CNIH3: variants seen among roughly 807,000 people sequenced by gnomAD.
The protein encoded by CNIH3 is cornichon family AMPA receptor auxiliary protein 3.
Under a neutral mutation model 24.1 loss-of-function variants are expected in CNIH3, and 14 were observed. The ratio of observed to expected loss-of-function variants is 0.58; its 90% CI spans 0.38 to 0.91. The LOEUF (loss-of-function observed/expected upper bound fraction) is 0.91. CNIH3 is among the 40% of genes least tolerant of loss of function. CNIH3 has a pLI of 0.00. For missense variants in CNIH3, 178 were observed against 196.8 expected (o/e 0.90, Z 0.57); for synonymous variants, 68 against 73.8 (o/e 0.92, Z 0.40).
intron 3 of CNIH3, among the ~76,000 whole-genome samples, chr1:224,595,860 C>T (rs1280843677): frequency 6.6e-6 from 1 of 152,216 alleles, no homozygotes; most frequent in Non-Finnish European, 1.5e-5. Flanking sequence ...CAGAGCAAGG[C>T]CCTAACTCTC....
intron 1 of CNIH3, among the ~76,000 whole-genome samples, chr1:224,483,158 T>C (rs967841192): frequency 1.3e-5 from 2 of 152,172 alleles, no homozygotes; most frequent in Admixed American, 6.5e-5. Context: ...CCCTCTCCAG[T>C]GCCTCTTTGA....
chr1:224,609,003 G>T (rs1682559562), intron 3 of CNIH3, among the ~76,000 whole-genome samples: 1 of 152,194 alleles, frequency 6.6e-6, no homozygotes, highest in Non-Finnish European at 1.5e-5. Flanking sequence ...GTTTCTATCT[G>T]TTGGGAGACT....
chr1:224,581,739 A>T (rs972045230), intron 4 of CNIH3, among the ~76,000 whole-genome samples: 1 of 152,094 alleles, frequency 6.6e-6, no homozygotes, highest in Non-Finnish European at 1.5e-5. Flanking sequence ...GACAGGAATC[A>T]TTTTTCTTTT....
intron 3 of CNIH3, among the ~76,000 whole-genome samples, chr1:224,550,825 GT>G (rs1454623161): frequency 3.3e-5 from 5 of 151,672 alleles, no homozygotes; most frequent in African/African-American, 4.8e-5. Flanking sequence ...TTAACATTAG[GT>G]TATATCTCCT....
chr1:224,475,335 G>A (rs1317037711), intron 1 of CNIH3, among the ~76,000 whole-genome samples: 4 of 142,220 alleles, frequency 2.8e-5, no homozygotes, highest in East Asian at 2.0e-4. Context: ...CAGCCGGGGC[G>A]ACAGAGCGAG....
At chr1:224,654,487 T>A (rs1160339391) in intron 1 of CNIH3, among the ~76,000 whole-genome samples, 1 of 152,248 alleles carries the variant, frequency 6.6e-6, no homozygotes, top group Admixed American at 6.5e-5. Flanking sequence ...ATATTCTATA[T>A]GCTGATATAC....
At chr1:224,538,308 G>A (rs981473691), downstream of CNIH3, among the ~76,000 whole-genome samples, 33 of 152,130 alleles carry the variant, frequency 2.2e-4, no homozygotes, top group African/African-American at 7.5e-4. Context: ...TTCTAGATTC[G>A]TTCTCTGCTT....
At chr1:224,549,077 C>T (rs1198089518) in intron 3 of CNIH3, among the ~76,000 whole-genome samples, 1 of 152,020 alleles carries the variant, frequency 6.6e-6, no homozygotes, top group Non-Finnish European at 1.5e-5. Context: ...ACTTTGTGTA[C>T]ACATTATTAC....
At chr1:224,683,787 C>G (rs1457296660) in intron 2 of CNIH3, among the ~76,000 whole-genome samples, 1 of 152,162 alleles carries the variant, frequency 6.6e-6, no homozygotes, top group African/African-American at 2.4e-5. Context: ...GGAGAAGGAG[C>G]TAGTGCGTGT....
chr1:224,522,143 G>A (rs1248331796), intron 2 of CNIH3, among the ~76,000 whole-genome samples: 1 of 152,106 alleles, frequency 6.6e-6, no homozygotes, highest in African/African-American at 2.4e-5. Context: ...GGAGTGTGTA[G>A]GCTACTTCCT....
intron 3 of CNIH3, among the ~76,000 whole-genome samples, chr1:224,598,173 G>A (rs1289914268): frequency 6.6e-6 from 1 of 152,222 alleles, no homozygotes; most frequent in African/African-American, 2.4e-5. Flanking sequence ...TTTGGAAGAA[G>A]TTGATTGCAT....
intron 3 of CNIH3, among the ~76,000 whole-genome samples, chr1:224,708,190 A>G (rs1255163680): frequency 1.3e-5 from 2 of 150,628 alleles, no homozygotes; most frequent in Non-Finnish European, 3.0e-5. Context: ...TTCCCCCTCC[A>G]CTTCCTGTCC....
At chr1:224,502,509 T>C (rs1572371722) in intron 1 of CNIH3, among the ~76,000 whole-genome samples, 1 of 152,294 alleles carries the variant, frequency 6.6e-6, no homozygotes, top group East Asian at 1.9e-4. Context: ...CCTCCTGGCT[T>C]GCATGAGCAG....
At chr1:224,721,194 C>G (rs1286896958) in intron 3 of CNIH3, among the ~76,000 whole-genome samples, 5 of 152,134 alleles carry the variant, frequency 3.3e-5, no homozygotes. Context: ...CATTCACCAC[C>G]TAGTAAGTGC....
chr1:224,448,156 G>A (rs1675241482), intron 1 of CNIH3, among the ~76,000 whole-genome samples: 1 of 152,174 alleles, frequency 6.6e-6, no homozygotes, highest in Non-Finnish European at 1.5e-5. Flanking sequence ...AGGATTGCTT[G>A]AGCCCAGGAG....
downstream of CNIH3, among the ~76,000 whole-genome samples, chr1:224,538,474 C>T (rs1679379175): frequency 2.0e-5 from 3 of 152,070 alleles, no homozygotes; most frequent in South Asian, 2.1e-4. Context: ...GTCGTAGCAC[C>T]GAATGAGGTT....
At chr1:224,501,479 C>T (rs375914929) in intron 1 of CNIH3, among the ~76,000 whole-genome samples, 14 of 150,672 alleles carry the variant, frequency 9.3e-5, no homozygotes, top group Non-Finnish European at 1.6e-4. Flanking sequence ...GTCACATGCT[C>T]AGCAGACAGC....
chr1:224,647,670 T>C (rs17513562), intron 1 of CNIH3, among the ~76,000 whole-genome samples: 24,442 of 152,168 alleles, frequency 0.16, 2,051 homozygotes, highest in African/African-American at 0.19. Context: ...ACCCCACTTC[T>C]AGAGAGGACA....
chr1:224,723,060 G>A (rs12036311), intron 3 of CNIH3, among the ~76,000 whole-genome samples: 46,281 of 152,052 alleles, frequency 0.3, 7,681 homozygotes, highest in African/African-American at 0.45. Flanking sequence ...GGGAAATGAC[G>A]GTGGGGCTAG....
Sources: allele counts gnomAD v4.1 joint callset (sites outside exome capture counted in the v4.1 genomes callset), GRCh38; gene constraint gnomAD v4.1.1; transcripts MANE v1.5; gene names NCBI Gene and HGNC (gene_info 2026-07-23, HGNC 2026-07-21).